The following VDAC1 variants were observed in gnomAD, a reference collection of about 807,000 sequenced individuals.
VDAC1 encodes the protein voltage dependent anion channel 1.
VDAC1 carries 10 observed loss-of-function variants against 34.7 expected under a neutral mutation model. That is an observed-to-expected ratio of 0.29 (90% CI 0.18 to 0.49). The LOEUF (loss-of-function observed/expected upper bound fraction) is 0.49, where lower values mean the gene tolerates loss of function less well. VDAC1 is among the 20% of genes least tolerant of loss of function. The pLI is 0.99. For synonymous variants in VDAC1, 130 were observed against 136.0 expected (o/e 0.96, Z 0.30); for missense variants, 230 against 347.9 (o/e 0.66, Z 2.69).
At chr5:134,070,987 C>T in the VDAC1 span, among the ~76,000 whole-genome samples, 3 of 152,236 alleles carry the variant, frequency 2.0e-5, no homozygotes, top group Non-Finnish European at 4.4e-5. Flanking sequence ...GTCACCATCC[C>T]CAGCCGCTTC....
chr5:134,004,686 G>T, intron 1 of VDAC1: 1 of 151,950 alleles, frequency 6.6e-6, no homozygotes, highest in South Asian at 2.0e-4. Flanking sequence ...CGGCTACGGC[G>T]GGGGCTGCGA....
the VDAC1 span, among the ~76,000 whole-genome samples, chr5:134,016,025 G>A: frequency 6.6e-6 from 1 of 152,166 alleles, no homozygotes; most frequent in African/African-American, 2.4e-5. Context: ...GTAAGCTCAA[G>A]CAATCTGCCC....
chr5:134,101,975 C>G, the VDAC1 span, among the ~76,000 whole-genome samples: 2 of 152,346 alleles, frequency 1.3e-5, no homozygotes, highest in East Asian at 3.9e-4. Context: ...GGAGTCCAGG[C>G]GAGAACGCTG....
chr5:134,064,604 TGATTA>T, the VDAC1 span, among the ~76,000 whole-genome samples: 7 of 152,142 alleles, frequency 4.6e-5, no homozygotes, highest in African/African-American at 1.7e-4. Context: ...GGGCCTGGTC[TGATTA>T]TTGTTTTAAG....
the VDAC1 span, among the ~76,000 whole-genome samples, chr5:134,085,965 T>C: frequency 1.3e-5 from 2 of 151,990 alleles, no homozygotes; most frequent in African/African-American, 4.8e-5. Context: ...GTCCAAGGCG[T>C]GTGGATCACT....
At chr5:134,057,918 C>T in the VDAC1 span, among the ~76,000 whole-genome samples, 4 of 152,012 alleles carry the variant, frequency 2.6e-5, no homozygotes, top group Admixed American at 2.6e-4. Flanking sequence ...TTGTTTTAGA[C>T]CAAGTTCTTG....
chr5:134,006,618 C>T (rs1006902066), upstream of VDAC1, among the ~76,000 whole-genome samples: 1 of 151,810 alleles, frequency 6.6e-6, no homozygotes, highest in Non-Finnish European at 1.5e-5. Context: ...TGGCGCGCGC[C>T]TGTAGTCCCA....
At chr5:134,031,225 G>T in the VDAC1 span, among the ~76,000 whole-genome samples, 1 of 151,936 alleles carries the variant, frequency 6.6e-6, no homozygotes, top group African/African-American at 2.4e-5. Flanking sequence ...AGACCTCCTG[G>T]TTTTATCCCT....
At chr5:133,994,539 T>C (rs558204838) in intron 1 of VDAC1, among the ~76,000 whole-genome samples, 1 of 152,254 alleles carries the variant, frequency 6.6e-6, no homozygotes, top group East Asian at 1.9e-4. Flanking sequence ...CTCTTTCCAG[T>C]CTGGGGGCTC....
intron 5 of VDAC1, among the ~76,000 whole-genome samples, chr5:133,983,229 CAA>C (rs1470393213): frequency 1.4e-5 from 2 of 141,266 alleles, no homozygotes; most frequent in Non-Finnish European, 1.5e-5. Flanking sequence ...GCCTGGGCAA[CAA>C]GAGTGAAACT....
the VDAC1 span, among the ~76,000 whole-genome samples, chr5:134,039,372 A>C: frequency 2.0e-5 from 3 of 152,246 alleles, no homozygotes; most frequent in East Asian, 5.8e-4. Context: ...TCTGTCGCCC[A>C]GGCTGGAGTG....
At chr5:134,013,376 A>T in the VDAC1 span, among the ~76,000 whole-genome samples, 162 of 152,274 alleles carry the variant, frequency 1.1e-3, 2 homozygotes, top group Middle Eastern at 3.4e-3. Context: ...TCGAGGCTGC[A>T]GTGAGCTATG....
the VDAC1 span, among the ~76,000 whole-genome samples, chr5:134,052,700 T>G: frequency 6.6e-6 from 1 of 152,216 alleles, no homozygotes; most frequent in Non-Finnish European, 1.5e-5. Flanking sequence ...CCCTATTCAG[T>G]CCACTTCCTG....
the VDAC1 span, among the ~76,000 whole-genome samples, chr5:134,109,284 CT>C: frequency 2.0e-5 from 3 of 152,316 alleles, no homozygotes; most frequent in African/African-American, 7.2e-5. Context: ...AGACATTCCT[CT>C]CTCAGTGTGT....
chr5:133,991,922 C>G (rs868824053), intron 3 of VDAC1, among the ~76,000 whole-genome samples: 16 of 152,214 alleles, frequency 1.1e-4, no homozygotes, highest in Middle Eastern at 3.4e-3. Context: ...CATGTACACC[C>G]TGAATCTAAA....
the VDAC1 span, among the ~76,000 whole-genome samples, chr5:134,010,185 T>A: frequency 1.3e-5 from 2 of 152,166 alleles, no homozygotes; most frequent in African/African-American, 2.4e-5. Flanking sequence ...ACCATCATTG[T>A]AAGTATGGGG....
chr5:134,004,760 G>A (rs1753700902), intron 1 of VDAC1, 135 bp downstream of exon 1: 1 of 149,548 alleles, frequency 6.7e-6, no homozygotes, highest in Non-Finnish European at 1.5e-5. Context: ...AGGGCGGGGC[G>A]GCGCGGACGG....
At chr5:134,002,519 T>C (rs1282440294) in intron 1 of VDAC1, among the ~76,000 whole-genome samples, 2 of 152,172 alleles carry the variant, frequency 1.3e-5, no homozygotes, top group African/African-American at 4.8e-5. Flanking sequence ...TTCAACAAGT[T>C]TCCCTCGGGA....
At chr5:133,978,544 C>A (rs542582702) in intron 6 of VDAC1, among the ~76,000 whole-genome samples, 3 of 152,212 alleles carry the variant, frequency 2.0e-5, no homozygotes, top group Admixed American at 2.0e-4. Flanking sequence ...TGTAGACAGC[C>A]CAAGTATGCT....
Sources: allele counts gnomAD v4.1 joint callset (sites outside exome capture counted in the v4.1 genomes callset), GRCh38; gene constraint gnomAD v4.1.1; transcripts MANE v1.5; gene names NCBI Gene and HGNC (gene_info 2026-07-23, HGNC 2026-07-21).